Variants in TMPRSS11E observed in about 807,000 individuals in gnomAD.
TMPRSS11E encodes transmembrane protease serine 11E.
In TMPRSS11E, 38 loss-of-function variants were observed where a neutral mutation model predicts 48.1. That is an observed-to-expected ratio of 0.79 (90% confidence interval 0.61 to 1.04). TMPRSS11E has a LOEUF of 1.04. Among genes scored for constraint, TMPRSS11E ranks in the 50% least tolerant of loss-of-function variants. The pLI is 0.00. For synonymous variants in TMPRSS11E, 158 were observed against 171.9 expected, an observed-to-expected ratio of 0.92 and a Z score of 0.63; for missense variants, 530 against 510.8, an observed-to-expected ratio of 1.04 and a Z score of -0.36.
chr4:68,472,790 C>T (rs994559473), intron 5 of TMPRSS11E, among the ~76,000 whole-genome samples: 1 of 152,028 alleles, frequency 6.6e-6, no homozygotes, highest in Non-Finnish European at 1.5e-5. Flanking sequence ...GAAAAAAGTG[C>T]TGTTAAAAGT....
chr4:68,492,099 A>C (rs1227263991), intron 9 of TMPRSS11E, among the ~76,000 whole-genome samples: 2 of 152,250 alleles, frequency 1.3e-5, no homozygotes, highest in Non-Finnish European at 2.9e-5. Context: ...GGAGGAACAC[A>C]CGGAACAAAG....
chr4:68,475,136 C>T (rs187327729), intron 6 of TMPRSS11E, among the ~76,000 whole-genome samples: 1 of 152,078 alleles, frequency 6.6e-6, no homozygotes. Flanking sequence ...TCACTATATC[C>T]TAGATAAAAT....
intron 1 of TMPRSS11E, among the ~76,000 whole-genome samples, chr4:68,452,961 A>T (rs1443077218): frequency 6.6e-6 from 1 of 151,896 alleles, no homozygotes; most frequent in Non-Finnish European, 1.5e-5. Flanking sequence ...AACGCTTTTT[A>T]AAGTTTTCTT....
At chr4:68,483,037 T>C (rs187775868) in intron 9 of TMPRSS11E, among the ~76,000 whole-genome samples, 2 of 152,204 alleles carry the variant, frequency 1.3e-5, no homozygotes, top group Non-Finnish European at 2.9e-5. Flanking sequence ...AGTTACCAAT[T>C]TTCTGTGTTA....
chr4:68,476,574 C>A, intron 7 of TMPRSS11E, 136 bp downstream of exon 7: 2 of 813,574 alleles, frequency 2.5e-6, no homozygotes, highest in African/African-American at 1.8e-5. Flanking sequence ...AAGACTGGAT[C>A]ATTTGTAAAC....
At chr4:68,469,891 GTCCCCTCATACTTTA>G (rs1729017645) in intron 4 of TMPRSS11E, among the ~76,000 whole-genome samples, 1 of 151,704 alleles carries the variant, frequency 6.6e-6, no homozygotes, top group Non-Finnish European at 1.5e-5. Flanking sequence ...TCCTTTCCTG[GTCCCCTCATACTTTA>G]TGAATAACTA....
intron 1 of TMPRSS11E, among the ~76,000 whole-genome samples, chr4:68,452,985 C>T (rs1240667510): frequency 1.3e-5 from 2 of 151,770 alleles, no homozygotes. Flanking sequence ...TAGTTGAATC[C>T]CTTTTTGCAC....
chr4:68,459,708 C>T (rs1178959807), intron 1 of TMPRSS11E, among the ~76,000 whole-genome samples: 1 of 152,158 alleles, frequency 6.6e-6, no homozygotes, highest in Admixed American at 6.5e-5. Flanking sequence ...TAATATTTCA[C>T]AATTCTATAT....
At chr4:68,461,170 C>G (rs1348426654) in intron 1 of TMPRSS11E, among the ~76,000 whole-genome samples, 1 of 152,120 alleles carries the variant, frequency 6.6e-6, no homozygotes, top group Non-Finnish European at 1.5e-5. Context: ...CGTGAGCCAC[C>G]GTGCCCGGCC....
At chr4:68,489,227 A>AG (rs1327599793) in intron 9 of TMPRSS11E, among the ~76,000 whole-genome samples, 1 of 152,148 alleles carries the variant, frequency 6.6e-6, no homozygotes, top group African/African-American at 2.4e-5. Context: ...CAGGGGTCCA[A>AG]GGGTTAGCTC....
intron 1 of TMPRSS11E, among the ~76,000 whole-genome samples, chr4:68,453,484 C>A (rs1200136808): frequency 6.6e-6 from 1 of 151,854 alleles, no homozygotes; most frequent in East Asian, 1.9e-4. Context: ...TGACTAGAAC[C>A]TTGGTCTTCT....
chr4:68,477,446 G>C lies in TMPRSS11E; in HGVS notation c.785G>C (p.Arg262Thr), dbSNP rs1282948135. 1.9e-6 allele frequency: 3 copies of C among 1,613,916 alleles called. No homozygotes were observed. Among genetic ancestry groups the C allele is most frequent in the Non-Finnish European group, 2.5e-6 (3 of 1,179,968 alleles). The change falls in exon 8 of 10, where the codon AGA becomes ACA. Residue 262 changes from arginine (R) to threonine (T), a missense_variant. Coordinates refer to ENST00000305363, the MANE Select transcript of TMPRSS11E (RefSeq NM_014058.4). ...TCGAAAATGAAACGGGGTCTCCGGA[G>C]AATAATTGTCCATGAAAAATACAAA... Reference protein sequence around the residue: ...KPSKMKRGLRRIIVHEKYKHP... With the variant: ...KPSKMKRGLRTIIVHEKYKHP...
chr4:68,478,906 G>A lies in TMPRSS11E; in HGVS notation c.1025G>A (p.Cys342Tyr). ...AQVTLIDATT[C>Y]NEPQAYNDAI... ...GTGACTCTCATAGACGCTACAACTTGCAATGAACCTCAAGCTTACAATGAC... is the reference window on the plus strand; with the variant it reads ...GTGACTCTCATAGACGCTACAACTTACAATGAACCTCAAGCTTACAATGAC... Residue 342 changes from cysteine (C) to tyrosine (Y), a missense_variant, in exon 9 of 10, where the codon TGC (cysteine) becomes TAC (tyrosine). Physicochemically the swap from Cys to Tyr is radical, Grantham distance 194 (BLOSUM62 -2). Coordinates refer to ENST00000305363, the MANE Select transcript of TMPRSS11E (RefSeq NM_014058.4). 1 of 1,613,976 alleles carries A rather than the reference G, an allele frequency of 6.2e-7. No individual in the cohort carries two copies. The highest frequency in any genetic ancestry group is 8.5e-7 in the Non-Finnish European group (1 of 1,179,994).
At chr4:68,485,733 CT>C (rs1729535106) in intron 9 of TMPRSS11E, among the ~76,000 whole-genome samples, 1 of 152,072 alleles carries the variant, frequency 6.6e-6, no homozygotes, top group Non-Finnish European at 1.5e-5. Flanking sequence ...GGTACCAGCT[CT>C]TCTTTATATA....
At chr4:68,452,209 G>T (rs1728516703) in intron 1 of TMPRSS11E, among the ~76,000 whole-genome samples, 2 of 151,858 alleles carry the variant, frequency 1.3e-5, no homozygotes, top group Admixed American at 1.3e-4. Context: ...TCAAACAGAA[G>T]AGTTAAATTA....
chr4:68,462,414 TAAAAA>T (rs34825904), intron 2 of TMPRSS11E, among the ~76,000 whole-genome samples: 1 of 120,870 alleles, frequency 8.3e-6, no homozygotes, highest in Non-Finnish European at 1.7e-5. Context: ...CCGTGTCTAC[TAAAAA>T]AAAAAAAAAA....
At chr4:68,484,849 C>A (rs749302378) in intron 9 of TMPRSS11E, among the ~76,000 whole-genome samples, 12 of 152,144 alleles carry the variant, frequency 7.9e-5, no homozygotes, top group Non-Finnish European at 1.5e-4. Flanking sequence ...AGCCTTTGGG[C>A]AGAGACTGTG....
chr4:68,458,939 C>CGGTT, intron 1 of TMPRSS11E, among the ~76,000 whole-genome samples: 1 of 152,104 alleles, frequency 6.6e-6, no homozygotes, highest in Non-Finnish European at 1.5e-5. Context: ...AGTACCAAAC[C>CGGTT]GCCTTCTCAT....
At chr4:68,447,950 G>C (rs1728387245) in intron 1 of TMPRSS11E, among the ~76,000 whole-genome samples, 2 of 151,982 alleles carry the variant, frequency 1.3e-5, no homozygotes, top group African/African-American at 4.8e-5. Context: ...ATTTCTGTAA[G>C]TAGTTAAAAA....
Sources: gnomAD v4.1 joint callset for allele counts (sites outside exome capture counted in the v4.1 genomes callset) on GRCh38, gnomAD v4.1.1 for gene constraint, MANE v1.5 for transcripts, NCBI Gene and HGNC (gene_info 2026-07-23, HGNC 2026-07-21) for gene names.